The following TDO2 variants were observed in gnomAD, a reference collection of about 807,000 sequenced individuals.
The protein encoded by TDO2 is tryptophan 2,3-dioxygenase, also known as tryptamin 2,3-dioxygenase.
A neutral mutation model predicts 61.2 loss-of-function variants in TDO2; 63 were observed. The observed-to-expected ratio is 1.03, with a 90% CI of 0.84 to 1.27. TDO2 has a LOEUF of 1.27. TDO2 is among the 50% of genes most tolerant of loss of function. TDO2 has a pLI of 0.00. For synonymous variants in TDO2, 183 were observed against 164.0 expected (o/e 1.12, Z -0.89); for missense variants, 494 against 469.5 (o/e 1.05, Z -0.48).
intron 3 of TDO2, 155 bp downstream of exon 3, chr4:155,905,312 A>G: frequency 1.6e-6 from 1 of 635,660 alleles, no homozygotes; most frequent in Non-Finnish European, 2.7e-6. Flanking sequence ...GAATTCTCAT[A>G]GGACTGATAT....
At chr4:155,914,169 A>G (rs1429905411) in intron 7 of TDO2, among the ~76,000 whole-genome samples, 154 bp from the exon 8 acceptor site, 1 of 152,144 alleles carries the variant, frequency 6.6e-6, no homozygotes, top group Admixed American at 6.5e-5. Context: ...TTCTCATAAG[A>G]CATAATTTCC....
At position 155,919,901 on chromosome 4, in the gene TDO2, A is replaced by G; in HGVS notation, c.1132A>G (p.Ile378Val). 1 of 1,613,750 alleles carries G rather than the reference A, an allele frequency of 6.2e-7. No individual in the cohort carries two copies. Among genetic ancestry groups the G allele is most frequent in the South Asian group, 1.1e-5 (1 of 91,066 alleles). The change falls in exon 12 of 12, where the codon ATA becomes GTA. Residue 378 changes from isoleucine to valine, a missense_variant. Coordinates refer to ENST00000536354, the MANE Select transcript of TDO2 (RefSeq NM_005651.4). Reference sequence around the variant, plus strand: ...AACATACCTGATTCCCCGACACTGGATACCGAAGATGAACCCAACCATTCA... The same window carrying G: ...AACATACCTGATTCCCCGACACTGGGTACCGAAGATGAACCCAACCATTCA... ...LSTYLIPRHW[I>V]PKMNPTIHKF...
chr4:155,914,597 A>G (rs1205954151), intron 8 of TDO2, among the ~76,000 whole-genome samples, 163 bp downstream of exon 8: 1 of 152,162 alleles, frequency 6.6e-6, no homozygotes, highest in African/African-American at 2.4e-5. Flanking sequence ...TGATAAACCT[A>G]TTTTAACGGG....
rs1742892384 is a variant in TDO2 at position 155,914,378 on chromosome 4, A to G, written c.782A>G (p.Lys261Arg). Reference sequence around the variant, plus strand: ...CAGGTGGCTGAATTTCAGAAGCAAAAAGAGGTGCTACTGTCCTTATTTGAT... The same window carrying G: ...CAGGTGGCTGAATTTCAGAAGCAAAGAGAGGTGCTACTGTCCTTATTTGAT... Reference protein sequence around the residue: ...EEQVAEFQKQKEVLLSLFDEK... With the variant: ...EEQVAEFQKQREVLLSLFDEK... Residue 261 changes from lysine (K) to arginine (R), a missense_variant, in exon 8 of 12, where the codon AAA becomes AGA. Coordinates refer to ENST00000536354, the MANE Select transcript of TDO2 (RefSeq NM_005651.4). The G allele has an allele frequency of 1.2e-6, 2 of 1,607,998 alleles. No homozygotes were observed. The highest frequency in any genetic ancestry group is 1.3e-5 in the African/African-American group (1 of 74,548).
At chr4:155,908,748 T>A in intron 4 of TDO2, 139 bp from the exon 5 acceptor site, 3 of 1,057,548 alleles carry the variant, frequency 2.8e-6, no homozygotes, top group Non-Finnish European at 4.0e-6. Flanking sequence ...TGTTATATAC[T>A]CTTTGCAAAT....
In TDO2 at chr4:155,905,126, T is replaced by C. The variant is rs1262159878; in HGVS notation, c.201T>C (p.His67=). The C allele has an allele frequency of 2.5e-6, 4 of 1,601,546 alleles. No homozygotes were observed. The highest frequency in any genetic ancestry group is 2.7e-5 in the African/African-American group (2 of 74,318). The part of the protein sequence containing the change: ...LQSETKGNKI[H]DEHLFIITHQ... ...GTGAAACAAAAGGAAATAAAATCCA[T>C]GATGAACATCTTTTTATCATAACTC... The change falls in exon 3 of 12, where the codon CAT becomes CAC. Residue 67 remains histidine, a synonymous_variant. Transcript: ENST00000536354.
chr4:155,916,070 C>T (rs988847637), intron 9 of TDO2, among the ~76,000 whole-genome samples, 158 bp downstream of exon 9: 5 of 151,436 alleles, frequency 3.3e-5, no homozygotes, highest in African/African-American at 9.7e-5. Context: ...TTTATGCCCC[C>T]GTCCCTTTTT....
intron 10 of TDO2, among the ~76,000 whole-genome samples, chr4:155,917,740 A>G (rs1271585337): frequency 6.6e-6 from 1 of 152,190 alleles, no homozygotes; most frequent in Non-Finnish European, 1.5e-5. Flanking sequence ...GAAAAATTAA[A>G]CTTTAGGTCA....
In TDO2 at chr4:155,920,127, C is replaced by A; in HGVS notation, c.*137C>A. ...CGATGCTCTGATTTAATTCTAGAAA[C>A]AATTTGATTACCTCTTGTTTGTGAC... On this transcript the variant is annotated 3_prime_UTR_variant, in exon 12 of 12. Transcript: ENST00000536354. The A allele has an allele frequency of 1.3e-6, 1 of 752,038 alleles. No homozygotes were observed. Among genetic ancestry groups the A allele is most frequent in the Non-Finnish European group, 2.1e-6 (1 of 466,700 alleles). The allele number at this position is 752,038 out of a possible 1,614,324, so 46.6% of individuals were successfully genotyped here.
intron 2 of TDO2, among the ~76,000 whole-genome samples, chr4:155,904,610 A>T (rs55688913): frequency 0.11 from 16,183 of 152,206 alleles, 2,550 homozygotes; most frequent in African/African-American, 0.34. Context: ...GCCAAGTTTC[A>T]GCCTGTTTGT....
chr4:155,909,935 C>CTCTCCCCTCCCT (rs1560776480), intron 5 of TDO2, 90 bp from the exon 6 acceptor site: 1 of 56,898 alleles, frequency 1.8e-5, no homozygotes, highest in African/African-American at 6.6e-5. Context: ...CTCCCCTCCC[C>CTCTCCCCTCCCT]TCTCCCCTCC....
chr4:155,914,625 T>C (rs1206798379), intron 8 of TDO2, among the ~76,000 whole-genome samples, 191 bp downstream of exon 8: 1 of 152,160 alleles, frequency 6.6e-6, no homozygotes, highest in African/African-American at 2.4e-5. Context: ...GCCCAGATTA[T>C]TTGAAAAACA....
chr4:155,916,695 T>C (rs1742944627), intron 9 of TDO2, among the ~76,000 whole-genome samples: 1 of 152,142 alleles, frequency 6.6e-6, no homozygotes, highest in Non-Finnish European at 1.5e-5. Context: ...CCTACTCTAT[T>C]GTATGAAGGT....
chr4:155,915,717 G>T, intron 8 of TDO2, 138 bp from the exon 9 acceptor site: 1 of 572,726 alleles, frequency 1.7e-6, no homozygotes, highest in Non-Finnish European at 3.0e-6. Flanking sequence ...CAACCTAAGG[G>T]ATAAAAAATG....
intron 6 of TDO2, 47 bp downstream of exon 6, chr4:155,910,258 A>T: frequency 7.0e-7 from 1 of 1,432,982 alleles, no homozygotes; most frequent in Non-Finnish European, 9.3e-7. Context: ...ACATCTTCTT[A>T]ATTTAGCTTT....
At chr4:155,913,108 A>G (rs1345814018) in intron 7 of TDO2, among the ~76,000 whole-genome samples, 1 of 152,102 alleles carries the variant, frequency 6.6e-6, no homozygotes, top group Non-Finnish European at 1.5e-5. Flanking sequence ...GACTATAATA[A>G]TATCTGAACT....
In TDO2 at chr4:155,920,014, A is replaced by G. The variant is rs878962266; in HGVS notation, c.*24A>G. On this transcript the variant is annotated 3_prime_UTR_variant, in exon 12 of 12. Transcript: ENST00000536354. ...AAAATCGTCTGCAAAATCTATGAAGAATACTGGTTTCACAGCCTATTTTTT... is the reference window on the plus strand; with the variant it reads ...AAAATCGTCTGCAAAATCTATGAAGGATACTGGTTTCACAGCCTATTTTTT... 1 of 1,606,664 alleles carries G rather than the reference A, an allele frequency of 6.2e-7. No individual in the cohort carries two copies. Among genetic ancestry groups the G allele is most frequent in the Non-Finnish European group, 8.5e-7 (1 of 1,176,160 alleles).
rs745883755 is a variant in TDO2 at position 155,916,959 on chromosome 4, AC to A, written c.897-435del. Among the ~76,000 whole-genome samples the A allele has an allele frequency of 2.5e-4, 38 of 151,912 alleles. No individual in the cohort carries two copies. In the East Asian group the frequency reaches 3.7e-3, roughly 15 times the overall value. On this transcript the variant is annotated intron_variant, in intron 9 of 11. Coordinates refer to ENST00000536354, the MANE Select transcript of TDO2 (RefSeq NM_005651.4). ...AAGGTGAAGAAATAGATGTAAAAAAACAAAACAAAACAAAACAACAACAAAA... is the reference window on the plus strand; with the variant it reads ...AAGGTGAAGAAATAGATGTAAAAAAAAAAACAAAACAAAACAACAACAAAA...
chr4:155,903,906 C>G (rs1742670816), intron 1 of TDO2, 112 bp from the exon 2 acceptor site: 9 of 1,506,326 alleles, frequency 6.0e-6, no homozygotes, highest in Admixed American at 5.2e-5. Flanking sequence ...ATTCCTTTGT[C>G]TAACAATCTA....
Sources: gnomAD v4.1 joint callset for allele counts (sites outside exome capture counted in the v4.1 genomes callset) on GRCh38, gnomAD v4.1.1 for gene constraint, MANE v1.5 for transcripts, NCBI Gene and HGNC (gene_info 2026-07-23, HGNC 2026-07-21) for gene names.